Variants in KSR1 observed in about 807,000 individuals in gnomAD.
KSR1 encodes the protein kinase suppressor of ras.
Under a neutral mutation model 92.9 loss-of-function variants are expected in KSR1, and 35 were observed. That is an observed-to-expected ratio of 0.38 (90% confidence interval 0.29 to 0.50). KSR1 has a LOEUF of 0.50. Among genes scored for constraint, KSR1 ranks in the 20% least tolerant of loss-of-function variants. The pLI is 0.94. For missense variants in KSR1, 972 were observed against 1,158.5 expected, an observed-to-expected ratio of 0.84 and a Z score of 2.34; for synonymous variants, 467 against 472.6, an observed-to-expected ratio of 0.99 and a Z score of 0.15.
At chr17:27,552,032 C>T (rs115189660) in intron 2 of KSR1, among the ~76,000 whole-genome samples, 201 of 152,334 alleles carry the variant, frequency 1.3e-3, no homozygotes, top group African/African-American at 4.6e-3. Flanking sequence ...TTTGCACTTG[C>T]TCCCCACTTC....
chr17:27,504,731 A>G (rs1042239501), intron 1 of KSR1, among the ~76,000 whole-genome samples: 23 of 152,178 alleles, frequency 1.5e-4, no homozygotes, highest in African/African-American at 4.8e-4. Flanking sequence ...GCCTTACCTG[A>G]GTAGCACGTG....
intron 1 of KSR1, among the ~76,000 whole-genome samples, chr17:27,461,742 G>A (rs1419216099): frequency 6.6e-6 from 1 of 150,414 alleles, no homozygotes; most frequent in East Asian, 2.0e-4. Flanking sequence ...ATCTGGAGGT[G>A]TGGTTTGCTG....
chr17:27,527,818 T>G (rs981532639), intron 1 of KSR1, among the ~76,000 whole-genome samples: 1 of 152,208 alleles, frequency 6.6e-6, no homozygotes, highest in African/African-American at 2.4e-5. Flanking sequence ...TTTTCATAGT[T>G]TCTTGATTTT....
Position 27,457,037 on chromosome 17 carries a change from A to C in KSR1, c.231+163A>C, listed in dbSNP as rs2019206376. Among the ~76,000 whole-genome samples, 3 of 152,048 alleles carry C rather than the reference A, an allele frequency of 2.0e-5. No individual in the cohort carries two copies. In the South Asian group the frequency reaches 6.2e-4, roughly 32 times the overall value. On this transcript the variant is annotated intron_variant, in intron 1 of 20. Coordinates refer to ENST00000644974, the MANE Select transcript of KSR1 (RefSeq NM_001394583.1). ...TGATGCGGCAGCCGGAGGACCCGGG[A>C]CCAGCCCTCATCTTGGGCAGGATTT...
intron 1 of KSR1, among the ~76,000 whole-genome samples, chr17:27,487,422 C>T (rs1368762984): frequency 6.6e-6 from 1 of 151,818 alleles, no homozygotes; most frequent in African/African-American, 2.4e-5. Flanking sequence ...GTGACAGGAG[C>T]GAGACTCCAT....
At chr17:27,468,596 G>A (rs552645612) in intron 1 of KSR1, among the ~76,000 whole-genome samples, 8 of 152,296 alleles carry the variant, frequency 5.3e-5, no homozygotes, top group Admixed American at 2.0e-4. Context: ...TGGGCAGTTC[G>A]TCTCTAGGAA....
In KSR1 at chr17:27,564,861, G is replaced by C. The variant is rs553891786; in HGVS notation, c.373-12631G>C. ...TTCCTCCCTCAGAGATGATTTGTCA[G>C]AGGCTTTGCAGCTCCACAGGAAGGG... On this transcript the variant is annotated intron_variant, in intron 2 of 20. Coordinates refer to ENST00000644974, the MANE Select transcript of KSR1 (RefSeq NM_001394583.1). Among the ~76,000 whole-genome samples the C allele has an allele frequency of 1.5e-4, 23 of 150,344 alleles. No individual in the cohort carries two copies. In the South Asian group the frequency reaches 2.9e-3, roughly 19 times the overall value.
intron 1 of KSR1, among the ~76,000 whole-genome samples, chr17:27,468,887 G>A (rs1413161007): frequency 2.0e-5 from 3 of 152,142 alleles, no homozygotes; most frequent in Non-Finnish European, 4.4e-5. Context: ...AGTTTTTAAC[G>A]AAGCAGGGCC....
chr17:27,584,508 T>C (rs557176220), intron 4 of KSR1, among the ~76,000 whole-genome samples: 3 of 152,270 alleles, frequency 2.0e-5, no homozygotes, highest in African/African-American at 7.2e-5. Flanking sequence ...CACACGAACA[T>C]GGGTCAGTCA....
chr17:27,566,264 A>G (rs1254352354), intron 2 of KSR1: 6 of 386,078 alleles, frequency 1.6e-5, no homozygotes, highest in Non-Finnish European at 4.6e-6. Context: ...TGGAGCCTGC[A>G]CATCTCCCAC....
intron 9 of KSR1, among the ~76,000 whole-genome samples, chr17:27,596,361 C>T (rs369508828): frequency 3.5e-4 from 54 of 152,214 alleles, no homozygotes; most frequent in African/African-American, 1.3e-3. Flanking sequence ...GGCGCAGCAT[C>T]CTCTGTGTTG....
At chr17:27,527,890 T>C (rs940591002) in intron 1 of KSR1, among the ~76,000 whole-genome samples, 1 of 152,208 alleles carries the variant, frequency 6.6e-6, no homozygotes, top group Non-Finnish European at 1.5e-5. Context: ...GTCTTTAATG[T>C]AGTAATTCTT....
At chr17:27,479,453 C>T (rs984274225) in intron 1 of KSR1, among the ~76,000 whole-genome samples, 3 of 152,188 alleles carry the variant, frequency 2.0e-5, no homozygotes, top group Non-Finnish European at 4.4e-5. Flanking sequence ...GGTTGCACCC[C>T]TCACCTCTCT....
chr17:27,534,366 A>G (rs954358534), intron 1 of KSR1, among the ~76,000 whole-genome samples: 2 of 152,232 alleles, frequency 1.3e-5, no homozygotes, highest in Admixed American at 6.5e-5. Context: ...ACTGCTTTCA[A>G]AGAGTACAAG....
At chr17:27,603,536 G>A (rs560456501) in intron 11 of KSR1, among the ~76,000 whole-genome samples, 20 of 152,330 alleles carry the variant, frequency 1.3e-4, no homozygotes, top group South Asian at 1.2e-3. Context: ...CCACAGGGGC[G>A]TGGTGGTAAT....
intron 19 of KSR1, chr17:27,617,711 A>G (rs1433500202): frequency 2.6e-6 from 1 of 387,360 alleles, no homozygotes; most frequent in Non-Finnish European, 5.1e-6. Context: ...TATTTTTAGT[A>G]GAGACGGGGT....
intron 2 of KSR1, among the ~76,000 whole-genome samples, chr17:27,564,351 G>A (rs2071971560): frequency 6.6e-6 from 1 of 152,218 alleles, no homozygotes; most frequent in African/African-American, 2.4e-5. Flanking sequence ...GAATGACATG[G>A]CACCAGGGCT....
At position 27,588,500 on chromosome 17, in the gene KSR1, G is replaced by A; in HGVS notation, c.1011G>A (p.Met337Ile). The A allele has an allele frequency of 6.3e-7, 1 of 1,591,380 alleles. No homozygotes were observed. Among genetic ancestry groups the A allele is most frequent in the Non-Finnish European group, 8.6e-7 (1 of 1,169,186 alleles). The stretch of plus-strand genomic sequence containing the variant: ...ATCTCTCGCATGGATCCCCACAGAT[G>A]GTACGGAGGGATATCGGGCTGTCGG... The part of the protein sequence containing the change: ...RFDLSHGSPQ[M>I]VRRDIGLSVT... Residue 337 changes from methionine to isoleucine, a missense_variant, in exon 6 of 21, where the codon ATG becomes ATA. Met to Ile is a conservative substitution (Grantham distance 10, BLOSUM62 1). This residue lies in a region of KSR1 where 611 missense variants were observed against 668.0 expected (regional missense o/e 0.91). Coordinates refer to ENST00000644974, the MANE Select transcript of KSR1 (RefSeq NM_001394583.1).
chr17:27,555,030 G>A (rs1478932696), intron 2 of KSR1, among the ~76,000 whole-genome samples: 1 of 152,172 alleles, frequency 6.6e-6, no homozygotes, highest in Non-Finnish European at 1.5e-5. Context: ...AGACTATGTA[G>A]GTTTGACCAG....
Sources: gnomAD v4.1 joint callset for allele counts (sites outside exome capture counted in the v4.1 genomes callset) on GRCh38, gnomAD v4.1.1 for gene constraint, gnomAD v4.1.1 regional missense constraint, MANE v1.5 for transcripts, NCBI Gene and HGNC (gene_info 2026-07-23, HGNC 2026-07-21) for gene names.